PCDH15: variants seen among roughly 807,000 people sequenced by gnomAD.
The protein encoded by PCDH15 is protocadherin-15.
A neutral mutation model predicts 178.5 loss-of-function variants in PCDH15; 129 were observed. The ratio of observed to expected loss-of-function variants is 0.72; its 90% confidence interval spans 0.63 to 0.84. PCDH15 has a LOEUF of 0.84. Among genes scored for constraint, PCDH15 ranks in the 40% least tolerant of loss-of-function variants. The pLI is 0.00. For missense variants in PCDH15, 2,230 were observed against 2,099.9 expected, an observed-to-expected ratio of 1.06 and a Z score of -1.21; for synonymous variants, 800 against 732.0, an observed-to-expected ratio of 1.09 and a Z score of -1.50.
At chr10:54,781,006 T>G (rs571263384) in intron 1 of PCDH15, among the ~76,000 whole-genome samples, 1 of 152,232 alleles carries the variant, frequency 6.6e-6, no homozygotes, top group Non-Finnish European at 1.5e-5. Context: ...GGATAAGAGC[T>G]GCAATATGGA....
At chr10:54,502,367 G>T (rs1030913949) in intron 3 of PCDH15, among the ~76,000 whole-genome samples, 1 of 151,980 alleles carries the variant, frequency 6.6e-6, no homozygotes. Flanking sequence ...CACTTGTTTC[G>T]CAGTGTTTCA....
intron 2 of PCDH15, among the ~76,000 whole-genome samples, chr10:54,938,635 A>T (rs1470581472): frequency 6.6e-6 from 1 of 152,166 alleles, no homozygotes; most frequent in Non-Finnish European, 1.5e-5. Context: ...CAGAATGATC[A>T]TTCTGCAAAA....
intron 14 of PCDH15, among the ~76,000 whole-genome samples, chr10:54,139,198 G>A (rs1446182969): frequency 6.6e-6 from 1 of 152,024 alleles, no homozygotes; most frequent in African/African-American, 2.4e-5. Flanking sequence ...TTTGACAAAT[G>A]AGACTAATGT....
intron 10 of PCDH15, among the ~76,000 whole-genome samples, chr10:54,207,355 T>G (rs958819920): frequency 1.4e-5 from 2 of 140,150 alleles, no homozygotes; most frequent in African/African-American, 5.5e-5. Flanking sequence ...ACACAAATAC[T>G]GTTTTGTTTT....
intron 20 of PCDH15, among the ~76,000 whole-genome samples, chr10:54,012,656 A>AAAGAATTTCAACCC: frequency 6.6e-6 from 1 of 152,294 alleles, no homozygotes; most frequent in East Asian, 1.9e-4. Context: ...TTCTTAAATA[A>AAAGAATTTCAACCC]AAGAATTTCA....
intron 2 of PCDH15, among the ~76,000 whole-genome samples, chr10:55,138,040 A>AACTAACT (rs1239531343): frequency 5.3e-5 from 8 of 152,096 alleles, no homozygotes; most frequent in African/African-American, 1.9e-4. Flanking sequence ...AGATGCAGGT[A>AACTAACT]AGTTTTGCTA....
At chr10:54,136,543 G>T (rs2042920089) in intron 14 of PCDH15, among the ~76,000 whole-genome samples, 1 of 152,068 alleles carries the variant, frequency 6.6e-6, no homozygotes, top group South Asian at 2.1e-4. Context: ...GAATATCAGT[G>T]TCTTAAAGCT....
At chr10:54,403,886 C>A (rs1359304646) in intron 3 of PCDH15, among the ~76,000 whole-genome samples, 1 of 151,056 alleles carries the variant, frequency 6.6e-6, no homozygotes, top group East Asian at 1.9e-4. Context: ...CAAACACACA[C>A]ACACCTAGAA....
intron 3 of PCDH15, among the ~76,000 whole-genome samples, chr10:54,816,142 A>T (rs1952947237): frequency 1.3e-5 from 2 of 152,088 alleles, no homozygotes; most frequent in South Asian, 4.1e-4. Flanking sequence ...GCTCCTAGAG[A>T]TCAGATACTA....
chr10:53,953,258 A>T (rs1358231129), intron 23 of PCDH15, among the ~76,000 whole-genome samples: 1 of 152,266 alleles, frequency 6.6e-6, no homozygotes, highest in Non-Finnish European at 1.5e-5. Context: ...TGTTTTCTGG[A>T]TAGAACAATT....
chr10:54,298,540 T>A (rs901550087), intron 8 of PCDH15, among the ~76,000 whole-genome samples: 1 of 152,150 alleles, frequency 6.6e-6, no homozygotes, highest in Non-Finnish European at 1.5e-5. Flanking sequence ...GGTTGTCCAA[T>A]GAGAAACAAG....
chr10:54,939,388 G>A (rs533665705), intron 2 of PCDH15, among the ~76,000 whole-genome samples: 5 of 150,538 alleles, frequency 3.3e-5, no homozygotes, highest in Admixed American at 1.3e-4. Flanking sequence ...CCAGCTACTC[G>A]GGAGGCTGAG....
intron 2 of PCDH15, among the ~76,000 whole-genome samples, chr10:55,526,408 A>G (rs1330588049): frequency 6.6e-6 from 1 of 152,048 alleles, no homozygotes; most frequent in Admixed American, 6.6e-5. Flanking sequence ...AAATACTTAC[A>G]CAGTAATTTA....
At chr10:55,582,616 A>ATTTTTTTTTTT (rs1247006513) in intron 2 of PCDH15, among the ~76,000 whole-genome samples, 1 of 88,996 alleles carries the variant, frequency 1.1e-5, no homozygotes, top group African/African-American at 5.8e-5. Context: ...ATATATATAT[A>ATTTTTTTTTTT]TATATATATA....
At chr10:55,210,634 T>TC (rs1840542842) in intron 1 of PCDH15, among the ~76,000 whole-genome samples, 1 of 127,706 alleles carries the variant, frequency 7.8e-6, no homozygotes, top group Admixed American at 8.0e-5. Context: ...TTTTTTTTTT[T>TC]TTTTTTTTTT....
intron 2 of PCDH15, among the ~76,000 whole-genome samples, chr10:54,563,343 T>A (rs1014184808): frequency 6.6e-6 from 1 of 152,154 alleles, no homozygotes; most frequent in South Asian, 2.1e-4. Flanking sequence ...GCTTTTCCTC[T>A]GGTGGGTTTG....
At chr10:54,244,335 A>G (rs1301180638) in intron 8 of PCDH15, among the ~76,000 whole-genome samples, 1 of 152,168 alleles carries the variant, frequency 6.6e-6, no homozygotes, top group African/African-American at 2.4e-5. Context: ...CTTTGTCTTT[A>G]AAGTTTGTTT....
chr10:54,406,818 CAG>C (rs770254446), intron 3 of PCDH15, among the ~76,000 whole-genome samples: 36 of 152,082 alleles, frequency 2.4e-4, no homozygotes, highest in East Asian at 5.8e-4. Context: ...TAGAAGAAAA[CAG>C]GGGATTATCT....
chr10:54,131,578 T>C (rs1590681829), intron 15 of PCDH15, among the ~76,000 whole-genome samples: 1 of 152,224 alleles, frequency 6.6e-6, no homozygotes, highest in Admixed American at 6.5e-5. Flanking sequence ...TCTACCTTCA[T>C]ATAATTTTGT....
Sources: allele counts gnomAD v4.1 joint callset (sites outside exome capture counted in the v4.1 genomes callset), GRCh38; gene constraint gnomAD v4.1.1; transcripts MANE v1.5; gene names NCBI Gene and HGNC (gene_info 2026-07-23, HGNC 2026-07-21).